Variants in ZSCAN32 observed in about 807,000 individuals in gnomAD.
The protein encoded by ZSCAN32 is zinc finger and SCAN domain containing 32, also known as zinc finger and SCAN domain-containing protein 32.
Under a neutral mutation model 47.4 loss-of-function variants are expected in ZSCAN32, and 52 were observed. The observed-to-expected ratio is 1.10, with a 90% CI of 0.88 to 1.38. The LOEUF (loss-of-function observed/expected upper bound fraction) is 1.38. ZSCAN32 is among the 40% of genes most tolerant of loss of function. The pLI is 0.00. For synonymous variants in ZSCAN32, 346 were observed against 305.7 expected (o/e 1.13, Z -1.38); for missense variants, 959 against 846.0 (o/e 1.13, Z -1.66).
chr16:3,397,291 C>A lies in ZSCAN32; in HGVS notation c.267G>T (p.Leu89Phe), dbSNP rs1473891962. ...LLVLEQFLTI[L>F]PEEIQTWVRE... ...TCACCCAGGTCTGGATCTCCTCTGG[C>A]AAGATAGTCAGAAACTGCTCCAAAA... Residue 89 changes from leucine (L) to phenylalanine (F), a missense_variant, in exon 2 of 7, where the codon TTG (leucine) becomes TTT (phenylalanine). By Grantham distance (22) the Leu-to-Phe change is conservative. Coordinates refer to ENST00000396852, the MANE Select transcript of ZSCAN32 (RefSeq NM_001284527.2). 3 of 1,571,808 alleles carry A rather than the reference C, an allele frequency of 1.9e-6. No homozygotes were observed. Among genetic ancestry groups the A allele is most frequent in the African/African-American group, 2.7e-5 (2 of 73,740 alleles).
intron 3 of ZSCAN32, 55 bp downstream of exon 3, chr16:3,393,594 C>G: frequency 6.9e-7 from 1 of 1,455,696 alleles, no homozygotes; most frequent in Admixed American, 2.5e-5. Context: ...ACCTTTGTTT[C>G]CAGTAAATGA....
chr16:3,388,179 C>T (rs2150880550), intron 5 of ZSCAN32, among the ~76,000 whole-genome samples: 1 of 152,336 alleles, frequency 6.6e-6, no homozygotes, highest in Middle Eastern at 3.4e-3. Flanking sequence ...GCTAGCAGCA[C>T]TCATTTGATC....
At chr16:3,384,369 A>T (rs2031667196) in intron 6 of ZSCAN32, 90 bp downstream of exon 6, 1 of 1,533,524 alleles carries the variant, frequency 6.5e-7, no homozygotes, top group Admixed American at 1.9e-5. Context: ...TGATGCCAGG[A>T]TCAGTGACAG....
intron 5 of ZSCAN32, among the ~76,000 whole-genome samples, chr16:3,386,261 G>C (rs1017185330): frequency 3.3e-5 from 5 of 152,200 alleles, no homozygotes; most frequent in African/African-American, 1.2e-4. Context: ...ACACCAGTTA[G>C]AATGGCAATC....
intron 5 of ZSCAN32, among the ~76,000 whole-genome samples, chr16:3,388,982 G>A (rs949125515): frequency 1.3e-5 from 2 of 152,124 alleles, no homozygotes; most frequent in African/African-American, 4.8e-5. Context: ...ACTTTACAGT[G>A]GTTAATTTTA....
intron 5 of ZSCAN32, among the ~76,000 whole-genome samples, chr16:3,389,688 T>C (rs762429781): frequency 6.6e-6 from 1 of 152,210 alleles, no homozygotes; most frequent in Non-Finnish European, 1.5e-5. Flanking sequence ...ACATTCAGCA[T>C]GAACACATCT....
intron 4 of ZSCAN32, 57 bp from the exon 5 acceptor site, chr16:3,390,190 TG>T: frequency 4.6e-6 from 7 of 1,519,640 alleles, no homozygotes; most frequent in Non-Finnish European, 5.3e-6. Context: ...TAGCCTGGGG[TG>T]GGGGCAGAGA....
chr16:3,393,564 C>G (rs2033068706), intron 3 of ZSCAN32, 85 bp downstream of exon 3: 1 of 1,341,604 alleles, frequency 7.5e-7, no homozygotes, highest in Non-Finnish European at 9.9e-7. Context: ...GTCTGGAACC[C>G]TTGGGTGGAC....
chr16:3,392,583 T>C (rs1385080947), intron 3 of ZSCAN32, among the ~76,000 whole-genome samples: 1 of 152,104 alleles, frequency 6.6e-6, no homozygotes, highest in African/African-American at 2.4e-5. Flanking sequence ...ATCCCAGCAC[T>C]TTGGGAGGCC....
rs537182061 is a variant in ZSCAN32, at chr16:3,384,643, G to A, written c.1050C>T (p.Ser350=). Reference sequence around the variant, plus strand: ...TTCCTTCTTGGCCAGGAACAGCATCGCTTGCCATAGGAGGTGCAGAGGCCC... The same window carrying A: ...TTCCTTCTTGGCCAGGAACAGCATCACTTGCCATAGGAGGTGCAGAGGCCC... ...GSWASAPPMA[S]DAVPGQEGSD... Residue 350 remains serine, a synonymous_variant, in exon 6 of 7, where the codon AGC becomes AGT. Transcript: ENST00000396852. 8.2e-4 allele frequency: 1,319 copies of A among 1,614,090 alleles called. 20 individuals are homozygous for A. The South Asian group carries it at 0.013, about 16-fold the overall frequency.
In ZSCAN32 at chr16:3,397,568, G is replaced by A. The variant is rs756876571; in HGVS notation, c.-11C>T. ...CACTGCAGCCATCATTTGCTTCAACGAACTGGCTTACTCTGGTTGCCACTT... is the reference window on the plus strand; with the variant it reads ...CACTGCAGCCATCATTTGCTTCAACAAACTGGCTTACTCTGGTTGCCACTT... On this transcript the variant is annotated 5_prime_UTR_variant, in exon 2 of 7. Coordinates refer to ENST00000396852, the MANE Select transcript of ZSCAN32 (RefSeq NM_001284527.2). The A allele has an allele frequency of 1.4e-5, 22 of 1,521,060 alleles. No homozygotes were observed. In the South Asian group the frequency reaches 1.7e-4, roughly 12 times the overall value. The allele number at this position is 1,521,060 out of a possible 1,614,324, so 94.2% of individuals were successfully genotyped here.
At chr16:3,386,564 G>A (rs2032019748) in intron 5 of ZSCAN32, among the ~76,000 whole-genome samples, 1 of 152,140 alleles carries the variant, frequency 6.6e-6, no homozygotes, top group Admixed American at 6.5e-5. Flanking sequence ...ATGATAGACT[G>A]GATTAAGAAA....
chr16:3,393,221 T>A (rs37804), intron 3 of ZSCAN32, among the ~76,000 whole-genome samples: 34 of 24,290 alleles, frequency 1.4e-3, no homozygotes, highest in African/African-American at 7.8e-3. Flanking sequence ...TATATATATA[T>A]ATATATAAAT....
chr16:3,385,435 A>G (rs897902095), intron 5 of ZSCAN32, among the ~76,000 whole-genome samples: 7 of 152,332 alleles, frequency 4.6e-5, no homozygotes, highest in African/African-American at 1.7e-4. Context: ...CAGAATTGGA[A>G]AAAACTACTT....
chr16:3,385,817 G>A (rs1409325313), intron 5 of ZSCAN32, among the ~76,000 whole-genome samples: 11 of 152,130 alleles, frequency 7.2e-5, no homozygotes, highest in Admixed American at 1.3e-4. Context: ...AGACTTAAAC[G>A]TTAGACCTAA....
chr16:3,390,253 TC>T (rs1347797224), intron 4 of ZSCAN32, 120 bp from the exon 5 acceptor site: 2 of 1,447,190 alleles, frequency 1.4e-6, no homozygotes, highest in Admixed American at 5.0e-5. Flanking sequence ...GGAGGTCAGC[TC>T]CCAGTGGGAC....
In ZSCAN32 at chr16:3,393,830, A is replaced by G. The variant is rs1484162107; in HGVS notation, c.367-16T>C. 7 of 1,529,956 alleles carry G rather than the reference A, an allele frequency of 4.6e-6. No individual in the cohort carries two copies. In the African/African-American group the frequency reaches 8.3e-5, roughly 18 times the overall value. The allele number at this position is 1,529,956 out of a possible 1,614,324, so 94.8% of individuals were successfully genotyped here. On this transcript the variant is annotated splice_polypyrimidine_tract_variant and intron_variant, in intron 2 of 6. Coordinates refer to ENST00000396852, the MANE Select transcript of ZSCAN32 (RefSeq NM_001284527.2). ...AATCTAGAACCTGAGAACAGACCCCATTATCTATCACTACAAATTCCTGCC... is the reference window on the plus strand; with the variant it reads ...AATCTAGAACCTGAGAACAGACCCCGTTATCTATCACTACAAATTCCTGCC...
In ZSCAN32 at chr16:3,390,121, G is replaced by A. The variant is rs778406948; in HGVS notation, c.640C>T (p.Arg214Cys). 8.7e-6 allele frequency: 14 copies of A among 1,611,006 alleles called. No homozygotes were observed. Among genetic ancestry groups the A allele is most frequent in the South Asian group, 2.2e-5 (2 of 90,438 alleles). Residue 214 changes from arginine (R) to cysteine (C), a missense_variant, in exon 5 of 7, where the codon CGT (arginine) becomes TGT (cysteine). Coordinates refer to ENST00000396852, the MANE Select transcript of ZSCAN32 (RefSeq NM_001284527.2). Reference sequence around the variant, plus strand: ...CAGAGGGATACAGCTCTGTTGTCACGCATGGCTGGTCCCTGTAACAACACT... The same window carrying A: ...CAGAGGGATACAGCTCTGTTGTCACACATGGCTGGTCCCTGTAACAACACT... ...WTAGSQGPAM[R>C]DNRAVSLCQQ...
intron 3 of ZSCAN32, among the ~76,000 whole-genome samples, chr16:3,391,441 G>A (rs910739566): frequency 6.6e-6 from 1 of 152,196 alleles, no homozygotes; most frequent in African/African-American, 2.4e-5. Context: ...ACTTTGGGAG[G>A]CCGAGGCAGG....
Sources: allele counts gnomAD v4.1 joint callset (sites outside exome capture counted in the v4.1 genomes callset), GRCh38; gene constraint gnomAD v4.1.1; transcripts MANE v1.5; gene names NCBI Gene and HGNC (gene_info 2026-07-23, HGNC 2026-07-21).